The following FOXP1 variants were observed in gnomAD, a reference collection of about 807,000 sequenced individuals.
FOXP1 encodes the protein forkhead box protein P1.
In FOXP1, 15 loss-of-function variants were observed where a neutral mutation model predicts 98.2. The ratio of observed to expected loss-of-function variants is 0.15; its 90% CI spans 0.10 to 0.24. The LOEUF (loss-of-function observed/expected upper bound fraction) is 0.24. Ranked by LOEUF, FOXP1 falls within the 10% of genes least tolerant of loss-of-function variation. The pLI is 1.00. For missense variants in FOXP1, 633 were observed against 848.5 expected, an observed-to-expected ratio of 0.75 and a Z score of 3.15; for synonymous variants, 371 against 314.5, an observed-to-expected ratio of 1.18 and a Z score of -1.90.
At chr3:71,096,212 T>C in intron 7 of FOXP1, among the ~76,000 whole-genome samples, 1 of 152,234 alleles carries the variant, frequency 6.6e-6, no homozygotes, top group Non-Finnish European at 1.5e-5. Flanking sequence ...AAAAGCAGAA[T>C]GAAATCAATA....
intron 6 of FOXP1, among the ~76,000 whole-genome samples, chr3:71,150,409 A>C (rs2060510011): frequency 6.6e-6 from 1 of 152,150 alleles, no homozygotes; most frequent in East Asian, 1.9e-4. Flanking sequence ...TATCTATTAC[A>C]TTTTTGTGTC....
intron 4 of FOXP1, among the ~76,000 whole-genome samples, chr3:71,340,102 T>C (rs1303492735): frequency 6.6e-6 from 1 of 152,210 alleles, no homozygotes. Context: ...TATGTACCTG[T>C]GTGTGTGCAT....
intron 2 of FOXP1, among the ~76,000 whole-genome samples, chr3:71,495,091 C>G (rs879831786): frequency 2.0e-5 from 3 of 152,192 alleles, no homozygotes; most frequent in Non-Finnish European, 2.9e-5. Flanking sequence ...CAATCCCAAA[C>G]TATAATCAAT....
chr3:71,052,077 T>C (rs975977792), intron 9 of FOXP1, among the ~76,000 whole-genome samples: 1 of 152,168 alleles, frequency 6.6e-6, no homozygotes, highest in African/African-American at 2.4e-5. Flanking sequence ...TTTAATCTTG[T>C]TCTAACATTT....
intron 2 of FOXP1, among the ~76,000 whole-genome samples, chr3:71,540,566 G>A (rs2044719426): frequency 6.6e-6 from 1 of 152,214 alleles, no homozygotes; most frequent in Non-Finnish European, 1.5e-5. Flanking sequence ...GGGGCACCAT[G>A]CTAAGTGTCT....
intron 13 of FOXP1, among the ~76,000 whole-genome samples, chr3:70,991,052 A>ATTT (rs11373167): frequency 4.8e-5 from 7 of 144,812 alleles, no homozygotes; most frequent in Admixed American, 6.9e-5. Context: ...CAACTTTCTA[A>ATTT]TTTTTTTTTT....
intron 5 of FOXP1, among the ~76,000 whole-genome samples, chr3:71,240,734 A>G (rs2067198356): frequency 6.6e-6 from 1 of 150,906 alleles, no homozygotes; most frequent in Admixed American, 6.6e-5. Flanking sequence ...TTTAGTAGAG[A>G]CAGGGTTTCA....
chr3:71,160,424 C>A (rs774095177), intron 6 of FOXP1, among the ~76,000 whole-genome samples: 1 of 152,184 alleles, frequency 6.6e-6, no homozygotes, highest in Non-Finnish European at 1.5e-5. Context: ...GGTTGTTTAT[C>A]TGTGGTCCTG....
intron 3 of FOXP1, among the ~76,000 whole-genome samples, chr3:71,378,208 T>TTCG (rs2079874102): frequency 6.6e-6 from 1 of 150,824 alleles, no homozygotes; most frequent in Non-Finnish European, 1.5e-5. Flanking sequence ...CTAGCTTCTC[T>TTCG]TCCTTTTGCC....
chr3:71,178,130 C>G (rs2062054074), intron 6 of FOXP1, among the ~76,000 whole-genome samples: 1 of 149,494 alleles, frequency 6.7e-6, no homozygotes, highest in South Asian at 2.1e-4. Flanking sequence ...CCACCACACC[C>G]AGTCAGTCTT....
chr3:71,281,942 C>CAA (rs34561352), intron 5 of FOXP1, among the ~76,000 whole-genome samples: 33,070 of 137,500 alleles, frequency 0.24, 4,058 homozygotes, highest in Middle Eastern at 0.31. Context: ...ACTAAAAATA[C>CAA]AAAAAAAAAA....
At chr3:71,362,316 T>C (rs1441823145) in intron 3 of FOXP1, among the ~76,000 whole-genome samples, 2 of 151,862 alleles carry the variant, frequency 1.3e-5, no homozygotes, top group Admixed American at 6.6e-5. Context: ...GGACTACAGG[T>C]GCCCACTGTA....
At chr3:71,168,835 G>A (rs940926641) in intron 6 of FOXP1, among the ~76,000 whole-genome samples, 2 of 152,154 alleles carry the variant, frequency 1.3e-5, no homozygotes, top group African/African-American at 4.8e-5. Flanking sequence ...GAACCAAGGG[G>A]CCTAGATTTT....
intron 2 of FOXP1, among the ~76,000 whole-genome samples, chr3:71,521,355 C>T (rs555145375): frequency 9.2e-5 from 14 of 152,174 alleles, no homozygotes; most frequent in African/African-American, 3.4e-4. Flanking sequence ...GGTGAAACCT[C>T]GTCTCTACTA....
intron 6 of FOXP1, chr3:71,130,942 A>C: frequency 1.6e-6 from 2 of 1,239,922 alleles, no homozygotes; most frequent in Non-Finnish European, 2.0e-6. Flanking sequence ...ACCAAGCCCT[A>C]GCCAAACACA....
At chr3:70,969,639 T>C (rs1034231977) in intron 19 of FOXP1, 2 of 152,266 alleles carry the variant, frequency 1.3e-5, no homozygotes, top group African/African-American at 4.8e-5. Flanking sequence ...GTTTTTTCAT[T>C]ATTGTCCCTT....
intron 7 of FOXP1, among the ~76,000 whole-genome samples, chr3:71,054,463 G>C (rs1369700492): frequency 6.6e-6 from 1 of 152,150 alleles, no homozygotes; most frequent in Non-Finnish European, 1.5e-5. Context: ...GTTTCTGCAC[G>C]GGCATCTTTG....
intron 6 of FOXP1, chr3:71,130,527 C>T (rs772047806): frequency 6.3e-7 from 1 of 1,598,396 alleles, no homozygotes; most frequent in Non-Finnish European, 8.5e-7. Flanking sequence ...GCGAAGGGAG[C>T]CCGTACTGTC....
chr3:71,472,333 A>G (rs1331665290), intron 3 of FOXP1, among the ~76,000 whole-genome samples: 1 of 152,216 alleles, frequency 6.6e-6, no homozygotes, highest in African/African-American at 2.4e-5. Context: ...CATACCCAAT[A>G]AACACTCGAC....
Sources: allele counts gnomAD v4.1 joint callset (sites outside exome capture counted in the v4.1 genomes callset), GRCh38; gene constraint gnomAD v4.1.1; transcripts MANE v1.5; gene names NCBI Gene and HGNC (gene_info 2026-07-23, HGNC 2026-07-21).